Variants in NTRK2 observed in about 807,000 individuals in gnomAD.
NTRK2 encodes the protein neurotrophic receptor tyrosine kinase 2, also known as BDNF/NT-3 growth factors receptor.
In NTRK2, 13 loss-of-function variants were observed where a neutral mutation model predicts 94.5. That is an observed-to-expected ratio of 0.14 (90% CI 0.09 to 0.22). The LOEUF (loss-of-function observed/expected upper bound fraction) is 0.22. NTRK2 is among the 10% of genes least tolerant of loss of function. The pLI is 1.00. For synonymous variants in NTRK2, 372 were observed against 407.4 expected (o/e 0.91, Z 1.05); for missense variants, 639 against 1,071.2 (o/e 0.60, Z 5.63).
chr9:84,749,908 A>T (rs1304477340), intron 11 of NTRK2, among the ~76,000 whole-genome samples: 1 of 152,278 alleles, frequency 6.6e-6, no homozygotes, highest in South Asian at 2.1e-4. Context: ...AAACCTCCAC[A>T]TCTTGGGGAC....
Position 84,948,227 on chromosome 9 carries a change from T to C in NTRK2, c.1765-235T>C, listed in dbSNP as rs12006041. Among the ~76,000 whole-genome samples the C allele has an allele frequency of 0.071, 10,763 of 152,234 alleles. 724 individuals are homozygous for C. The highest frequency in any genetic ancestry group is 0.18 in the African/African-American group (7,461 of 41,510). ...CCAGGGTTAGAAAGGATGTGGACCC[T>C]AAAAAGACCTCCTGTCTGTAACCTA... On this transcript the variant is annotated intron_variant, in intron 15 of 18. Transcript: ENST00000277120.
chr9:84,784,414 G>A (rs2067920005), intron 12 of NTRK2, among the ~76,000 whole-genome samples: 1 of 152,098 alleles, frequency 6.6e-6, no homozygotes, highest in Non-Finnish European at 1.5e-5. Context: ...ACCTTTCTTT[G>A]CTGGCTTTCC....
At chr9:84,810,802 G>A in intron 12 of NTRK2, 2 of 1,385,230 alleles carry the variant, frequency 1.4e-6, no homozygotes, top group Non-Finnish European at 1.9e-6. Flanking sequence ...CTCTCAGGCA[G>A]CTAAGCAGCA....
intron 14 of NTRK2, among the ~76,000 whole-genome samples, chr9:84,888,649 A>AT (rs2076494237): frequency 7.1e-6 from 1 of 141,090 alleles, no homozygotes; most frequent in African/African-American, 2.6e-5. Flanking sequence ...AAAAAAAAAA[A>AT]GTGGCAGAGA....
intron 12 of NTRK2, among the ~76,000 whole-genome samples, chr9:84,776,187 A>G (rs546520723): frequency 3.9e-5 from 6 of 151,942 alleles, no homozygotes; most frequent in Non-Finnish European, 8.8e-5. Flanking sequence ...AAATATAAAT[A>G]TAGATACAGA....
At chr9:84,843,422 C>T (rs1046748742) in intron 12 of NTRK2, among the ~76,000 whole-genome samples, 4 of 152,188 alleles carry the variant, frequency 2.6e-5, no homozygotes, top group Admixed American at 2.6e-4. Flanking sequence ...TTAGAGGTGG[C>T]TCCCACTGCC....
intron 2 of NTRK2, among the ~76,000 whole-genome samples, chr9:84,686,226 G>A (rs922690439): frequency 1.3e-5 from 2 of 152,162 alleles, no homozygotes; most frequent in African/African-American, 4.8e-5. Flanking sequence ...TTGATTAATT[G>A]TGGAAAGGAA....
At position 84,955,735 on chromosome 9, in the gene NTRK2, C is replaced by T. The variant is rs13340716; in HGVS notation, c.2172+218C>T. 1,510 of 641,360 alleles carry T rather than the reference C, an allele frequency of 2.4e-3. 23 individuals carry two copies. The highest frequency in any genetic ancestry group is 0.015 in the South Asian group (863 of 58,200). 39.7% of individuals were successfully genotyped at this position (641,360 alleles called of 1,614,324 possible). A position where few individuals can be genotyped will look rare whatever the true frequency, so the allele number is the denominator to read the frequency against. On this transcript the variant is annotated intron_variant, in intron 17 of 18. Transcript: ENST00000277120. The stretch of plus-strand genomic sequence containing the variant: ...TCGCTCCTTGGCTTGCAGGTGGCTG[C>T]CTTCTCACTATGCCCTCACATTGGG...
At chr9:84,877,832 G>C in intron 14 of NTRK2, 1 of 1,043,836 alleles carries the variant, frequency 9.6e-7, no homozygotes, top group South Asian at 4.6e-5. Flanking sequence ...TTTTGTACTG[G>C]AATTTGTGAT....
chr9:84,851,416 G>A (rs1036855707), intron 12 of NTRK2, among the ~76,000 whole-genome samples: 13 of 152,094 alleles, frequency 8.5e-5, no homozygotes, highest in Admixed American at 5.9e-4. Flanking sequence ...TTTTCATTTT[G>A]TCCTATTTAT....
chr9:84,871,832 T>G, intron 14 of NTRK2: 1 of 1,613,678 alleles, frequency 6.2e-7, no homozygotes, highest in Non-Finnish European at 8.5e-7. Context: ...AATTTGGTAT[T>G]TGGAGGCTCC....
intron 12 of NTRK2, among the ~76,000 whole-genome samples, chr9:84,767,010 G>A (rs2066099362): frequency 6.6e-6 from 1 of 152,104 alleles, no homozygotes; most frequent in Non-Finnish European, 1.5e-5. Flanking sequence ...TGTTGTAATT[G>A]TTACCCATCA....
chr9:84,742,740 G>A (rs1158486127), intron 10 of NTRK2, among the ~76,000 whole-genome samples: 1 of 150,392 alleles, frequency 6.6e-6, no homozygotes, highest in Non-Finnish European at 1.5e-5. Flanking sequence ...AAAAAAAATG[G>A]GATTCTCTCA....
At chr9:84,801,136 A>G (rs1265981800) in intron 12 of NTRK2, among the ~76,000 whole-genome samples, 2 of 152,214 alleles carry the variant, frequency 1.3e-5, no homozygotes, top group African/African-American at 4.8e-5. Flanking sequence ...AGTTCTGGTT[A>G]TCAGAACCTG....
At chr9:84,810,926 C>G (rs1273256883) in intron 12 of NTRK2, 1 of 1,174,548 alleles carries the variant, frequency 8.5e-7, no homozygotes, top group African/African-American at 1.5e-5. Flanking sequence ...CTTTTTGACC[C>G]TACTGGACAT....
intron 9 of NTRK2, among the ~76,000 whole-genome samples, chr9:84,732,586 A>G (rs1294195163): frequency 6.6e-6 from 1 of 152,176 alleles, no homozygotes; most frequent in Non-Finnish European, 1.5e-5. Flanking sequence ...GAGAAATGGC[A>G]TGTCCCACCT....
chr9:84,877,694 G>A (rs899036104), intron 14 of NTRK2: 6 of 1,062,340 alleles, frequency 5.6e-6, no homozygotes, highest in East Asian at 1.0e-4. Flanking sequence ...ATGCAAGGGA[G>A]CGGACCTAAC....
intron 14 of NTRK2, among the ~76,000 whole-genome samples, chr9:84,894,233 A>G (rs966960865): frequency 3.2e-5 from 4 of 126,528 alleles, no homozygotes; most frequent in African/African-American, 1.2e-4. Context: ...CTGCAGCCCC[A>G]TAGTCTTGAA....
chr9:84,845,321 T>A (rs10735569), intron 12 of NTRK2, among the ~76,000 whole-genome samples: 1 of 151,736 alleles, frequency 6.6e-6, no homozygotes, highest in Admixed American at 6.5e-5. Flanking sequence ...TTGTGGCTAT[T>A]GCTATTGGCT....
Sources: gnomAD v4.1 joint callset for allele counts (sites outside exome capture counted in the v4.1 genomes callset) on GRCh38, gnomAD v4.1.1 for gene constraint, MANE v1.5 for transcripts, NCBI Gene and HGNC (gene_info 2026-07-23, HGNC 2026-07-21) for gene names.